Variants in MAFK observed in about 807,000 individuals in gnomAD.
MAFK encodes the protein MAF bZIP transcription factor K.
MAFK carries 1 observed loss-of-function variant against 9.2 expected under a neutral mutation model. The ratio of observed to expected loss-of-function variants is 0.11; its 90% CI spans 0.04 to 0.52. The LOEUF (loss-of-function observed/expected upper bound fraction) is 0.52. MAFK is among the 20% of genes least tolerant of loss of function. The probability of loss-of-function intolerance (pLI) is 0.94; values close to 1 mark genes in which losing one functional copy is unlikely to be tolerated. For missense variants in MAFK, 207 were observed against 236.0 expected (o/e 0.88, Z 0.81); for synonymous variants, 110 against 107.4 (o/e 1.02, Z -0.15).
chr7:1,535,085 C>CTATTTTTT, intron 1 of MAFK, among the ~76,000 whole-genome samples: 1 of 111,952 alleles, frequency 8.9e-6, no homozygotes, highest in Admixed American at 1.0e-4. Flanking sequence ...ATTTAAAATT[C>CTATTTTTT]TTTTTTTTTT....
In MAFK at chr7:1,532,660, C is replaced by A; in HGVS notation, c.-45+1762C>A. 6.6e-6 allele frequency among the ~76,000 whole-genome samples: 1 copy of A among 152,150 alleles called. No homozygotes were observed. The highest frequency in any genetic ancestry group is 1.9e-4 in the East Asian group (1 of 5,194). On this transcript the variant is annotated intron_variant, in intron 1 of 2. Coordinates refer to ENST00000343242, the MANE Select transcript of MAFK (RefSeq NM_002360.4). The surrounding 1 kb of genome is among the most constrained non-coding windows in gnomAD (Gnocchi z 4.5). ...CCGGGAGGCTGCTGTTAAGGGAGAC[C>A]GTCTTCCGGGCCACTTCGCTGTCTA...
chr7:1,534,086 G>T lies in MAFK; in HGVS notation c.-45+3188G>T. 1 of 381,620 alleles carries T rather than the reference G, an allele frequency of 2.6e-6. No homozygotes were observed. The highest frequency in any genetic ancestry group is 5.4e-6 in the Non-Finnish European group (1 of 185,536). The allele number at this position is 381,620 out of a possible 1,614,324, so 23.6% of individuals were successfully genotyped here. Reference sequence around the variant, plus strand: ...AGACGTCCTCCAAGCCGGGCCGACAGTCATGGCTTGCTGGAGGGCAGCCAG... The same window carrying T: ...AGACGTCCTCCAAGCCGGGCCGACATTCATGGCTTGCTGGAGGGCAGCCAG... On this transcript the variant is annotated intron_variant, in intron 1 of 2. Coordinates refer to ENST00000343242, the MANE Select transcript of MAFK (RefSeq NM_002360.4). The surrounding 1 kb of genome is among the most constrained non-coding windows in gnomAD (Gnocchi z 4.3).
intron 1 of MAFK, among the ~76,000 whole-genome samples, chr7:1,535,455 G>A (rs1361195559): frequency 2.6e-5 from 4 of 152,216 alleles, no homozygotes; most frequent in Non-Finnish European, 5.9e-5. Context: ...AGGAGCTCGA[G>A]ACCAGCCTAG....
chr7:1,533,471 A>T (rs1172613677), intron 1 of MAFK, among the ~76,000 whole-genome samples: 2 of 152,130 alleles, frequency 1.3e-5, no homozygotes, highest in Non-Finnish European at 2.9e-5. Flanking sequence ...TTTCTGGAAG[A>T]AGCAGGGCAG....
chr7:1,531,398 G>T (rs1026338070), intron 1 of MAFK, among the ~76,000 whole-genome samples: 1 of 152,196 alleles, frequency 6.6e-6, no homozygotes, highest in African/African-American at 2.4e-5. Context: ...GTGACGGGCG[G>T]CGCTCTGGCC....
chr7:1,539,236 T>C lies in MAFK; in HGVS notation c.36+8T>C, dbSNP rs1450946910. 3 of 1,609,422 alleles carry C rather than the reference T, an allele frequency of 1.9e-6. No individual in the cohort carries two copies. Among genetic ancestry groups the C allele is most frequent in the Non-Finnish European group, 2.5e-6 (3 of 1,177,936 alleles). On this transcript the variant is annotated splice_region_variant and intron_variant, in intron 2 of 2. Transcript: ENST00000343242. ...CCGAATAAGGCATTAAAGGTAAGGC[T>C]GGTTCCAAGCAGGCCCCGTCTCAAG...
Position 1,534,419 on chromosome 7 carries a change from G to A in MAFK, c.-45+3521G>A, listed in dbSNP as rs773379707. On this transcript the variant is annotated intron_variant, in intron 1 of 2. Coordinates refer to ENST00000343242, the MANE Select transcript of MAFK (RefSeq NM_002360.4). This position sits in a 1 kb window ranked among gnomAD's most constrained non-coding sequence, Gnocchi z 4.3. ...TGGCAGAAAGGCTCCTGGGAGAGGC[G>A]GGTACACCTTGGGTGGCCTCTGGTT... 35 of 438,816 alleles carry A rather than the reference G, an allele frequency of 8.0e-5. No individual in the cohort carries two copies. The highest frequency in any genetic ancestry group is 4.6e-4 in the South Asian group (29 of 63,536). The allele number at this position is 438,816 out of a possible 1,614,324, so 27.2% of individuals were successfully genotyped here.
intron 2 of MAFK, 66 bp downstream of exon 2, chr7:1,539,294 C>T (rs1262118676): frequency 3.7e-6 from 5 of 1,336,782 alleles, no homozygotes; most frequent in Non-Finnish European, 5.2e-6. Flanking sequence ...GGCCCGACAG[C>T]CCCTGCTATC....
chr7:1,539,978 G>T lies in MAFK; in HGVS notation c.74G>T (p.Ser25Ile). ...GCGGGCGAGAACGCCCCGGTGCTCA[G>T]CGATGATGAGCTGGTGTCCATGTCG... ...KEAGENAPVL[S>I]DDELVSMSVR... The change falls in exon 3 of 3, where the codon AGC (serine) becomes ATC (isoleucine). Residue 25 changes from serine (S) to isoleucine (I), a missense_variant. Ser to Ile is a moderately radical substitution (Grantham distance 142). Coordinates refer to ENST00000343242, the MANE Select transcript of MAFK (RefSeq NM_002360.4). The T allele has an allele frequency of 6.4e-7, 1 of 1,551,494 alleles. No homozygotes were observed. Among genetic ancestry groups the T allele is most frequent in the East Asian group, 2.4e-5 (1 of 41,160 alleles).
intron 1 of MAFK, among the ~76,000 whole-genome samples, chr7:1,533,423 G>C (rs1014731966): frequency 1.3e-5 from 2 of 152,218 alleles, no homozygotes; most frequent in Non-Finnish European, 2.9e-5. Flanking sequence ...CTTGGTAGAG[G>C]GTGCTTGCCT....
Position 1,540,370 on chromosome 7 carries a change from T to A in MAFK, c.466T>A (p.Ser156Thr). The change falls in exon 3 of 3, where the codon TCC becomes ACC. Residue 156 changes from serine to threonine, a missense_variant. Physicochemically the swap from Ser to Thr is moderately conservative, Grantham distance 58. Transcript: ENST00000343242. The stretch of plus-strand genomic sequence containing the variant: ...CACCTCCGTGCCCTTCTCGGCTGCA[T>A]CCTAGTGCCGGCCGGGGGCGGGGGG... ...SSTSVPFSAA[S>T] The A allele has an allele frequency of 7.7e-7, 1 of 1,297,770 alleles. No individual in the cohort carries two copies. Among genetic ancestry groups the A allele is most frequent in the East Asian group, 5.4e-5 (1 of 18,456 alleles). 80.4% of individuals were successfully genotyped at this position (1,297,770 alleles called of 1,614,324 possible).
At chr7:1,535,339 G>A (rs1351954543) in intron 1 of MAFK, among the ~76,000 whole-genome samples, 1 of 152,160 alleles carries the variant, frequency 6.6e-6, no homozygotes, top group African/African-American at 2.4e-5. Context: ...TGGGTGACCA[G>A]TGAGTATTTG....
intron 1 of MAFK, among the ~76,000 whole-genome samples, chr7:1,531,274 C>T (rs1384440346): frequency 1.4e-5 from 2 of 146,238 alleles, no homozygotes; most frequent in East Asian, 4.4e-4. Flanking sequence ...CGGGGCGGGG[C>T]GGGCGCCACG....
chr7:1,537,250 C>A (rs995030198), intron 1 of MAFK: 3 of 398,532 alleles, frequency 7.5e-6, no homozygotes, highest in African/African-American at 6.5e-5. Context: ...TCCTTTTCCG[C>A]CCGGCTGTGC....
At chr7:1,537,801 GC>G in intron 1 of MAFK, 2 of 675,380 alleles carry the variant, frequency 3.0e-6, no homozygotes, top group Non-Finnish European at 3.7e-6. Context: ...GGGCTCCCTG[GC>G]CCAGGGTGTG....
intron 2 of MAFK, 63 bp from the exon 3 acceptor site, chr7:1,539,878 G>T (rs1274901085): frequency 1.4e-6 from 2 of 1,389,368 alleles, no homozygotes; most frequent in African/African-American, 1.4e-5. Flanking sequence ...GGCCACCCCA[G>T]TGTCGGTCCC....
chr7:1,533,906 C>T (rs1374685405), intron 1 of MAFK, among the ~76,000 whole-genome samples: 1 of 152,042 alleles, frequency 6.6e-6, no homozygotes, highest in South Asian at 2.1e-4. Context: ...GAGCTGGAGG[C>T]CGAGGACAGG....
rs1783992031 is a variant in MAFK at position 1,534,903 on chromosome 7, C to CT, written c.-45+4006dup. The stretch of plus-strand genomic sequence containing the variant: ...GCTGCTCAACTCACTTTTGCACTCT[C>CT]TCTTTTTTTTTTTCCTAAAAGATAA... On this transcript the variant is annotated intron_variant, in intron 1 of 2. Transcript: ENST00000343242. This position sits in a 1 kb window ranked among gnomAD's most constrained non-coding sequence, Gnocchi z 4.3. Among the ~76,000 whole-genome samples, 1 of 151,888 alleles carries CT rather than the reference C, an allele frequency of 6.6e-6. No individual in the cohort carries two copies. The highest frequency in any genetic ancestry group is 1.5e-5 in the Non-Finnish European group (1 of 67,956).
At chr7:1,538,483 G>A (rs1446845560) in intron 1 of MAFK, 10 of 846,860 alleles carry the variant, frequency 1.2e-5, no homozygotes, top group Non-Finnish European at 1.4e-5. Flanking sequence ...CCTGTGGGGA[G>A]GGCGGGGCGG....
Sources: gnomAD v4.1 joint callset for allele counts (sites outside exome capture counted in the v4.1 genomes callset) on GRCh38, gnomAD v4.1.1 for gene constraint, Gnocchi (gnomAD v3.1) non-coding constraint, MANE v1.5 for transcripts, NCBI Gene and HGNC (gene_info 2026-07-23, HGNC 2026-07-21) for gene names.